The following FGF12 variants were observed in gnomAD, a reference collection of about 807,000 sequenced individuals.
FGF12 encodes fibroblast growth factor 12.
FGF12 carries 14 observed loss-of-function variants against 23.6 expected under a neutral mutation model. The ratio of observed to expected loss-of-function variants is 0.59; its 90% CI spans 0.39 to 0.93. FGF12 has a LOEUF of 0.93. Among genes scored for constraint, FGF12 ranks in the 40% least tolerant of loss-of-function variants. FGF12 has a pLI of 0.00. For missense variants in FGF12, 175 were observed against 217.8 expected, an observed-to-expected ratio of 0.80 and a Z score of 1.24; for synonymous variants, 62 against 77.3, an observed-to-expected ratio of 0.80 and a Z score of 1.04.
At chr3:192,289,633 C>T (rs1434299273) in intron 4 of FGF12, among the ~76,000 whole-genome samples, 2 of 152,144 alleles carry the variant, frequency 1.3e-5, no homozygotes, top group African/African-American at 4.8e-5. Context: ...TTATCGACTG[C>T]ATCTCTTATT....
At position 192,408,054 on chromosome 3, in the gene FGF12, C is replaced by G. The variant is rs772581405; in HGVS notation, c.14-47516G>C. 1 of 1,612,152 alleles carries G rather than the reference C, an allele frequency of 6.2e-7. No individual in the cohort carries two copies. The highest frequency in any genetic ancestry group is 8.5e-7 in the Non-Finnish European group (1 of 1,179,562). The stretch of plus-strand genomic sequence containing the variant: ...TCTCCGCCTCACCGGCCTCTTGCGG[C>G]CGCTGCAGAAGCGCACTTTGCTGAA... On this transcript the variant is annotated intron_variant, in intron 2 of 5. Coordinates refer to ENST00000445105, the MANE Select transcript of FGF12 (RefSeq NM_004113.6). This position sits in a 1 kb window ranked among gnomAD's most constrained non-coding sequence, Gnocchi z 7.3.
rs1724935417 is a variant in FGF12, at chr3:192,525,927, A to T, written c.14-165389T>A. Among the ~76,000 whole-genome samples, 4 of 152,166 alleles carry T rather than the reference A, an allele frequency of 2.6e-5. No individual in the cohort carries two copies. In the South Asian group the frequency reaches 8.3e-4, roughly 31 times the overall value. On this transcript the variant is annotated intron_variant, in intron 2 of 5. Coordinates refer to ENST00000445105, the MANE Select transcript of FGF12 (RefSeq NM_004113.6). ...GTAGCTGGGACTACAGGTGTGCGCC[A>T]CCACGCCCAGCGAATTTTTGCGTTT...
chr3:192,594,014 C>T lies in FGF12; in HGVS notation c.13+133167G>A, dbSNP rs187160025. Among the ~76,000 whole-genome samples, 67 of 151,970 alleles carry T rather than the reference C, an allele frequency of 4.4e-4. 1 individual carries two copies. The East Asian group carries it at 9.7e-3, about 22-fold the overall frequency. On this transcript the variant is annotated intron_variant, in intron 2 of 5. Transcript: ENST00000445105. ...AATATTAAGAGGGTAAGCAGCTTGT[C>T]GGTTAGAGTAAAGTTATGCAAAAAG... is the stretch of plus-strand genomic sequence containing the variant.
chr3:192,536,721 A>G (rs941256673), intron 2 of FGF12, among the ~76,000 whole-genome samples: 1 of 152,056 alleles, frequency 6.6e-6, no homozygotes, highest in Non-Finnish European at 1.5e-5. Flanking sequence ...AGATATTTTG[A>G]TACAGGCATA....
At chr3:192,216,831 G>A (rs988911321) in intron 4 of FGF12, among the ~76,000 whole-genome samples, 2 of 152,114 alleles carry the variant, frequency 1.3e-5, no homozygotes, top group South Asian at 2.1e-4. Flanking sequence ...GAGCAAACAC[G>A]GGCTTAAACT....
At chr3:192,144,246 T>G (rs1427996115) in intron 5 of FGF12, 119 bp from the exon 6 acceptor site, 2 of 619,914 alleles carry the variant, frequency 3.2e-6, no homozygotes, top group Non-Finnish European at 5.7e-6. Flanking sequence ...CTTCTCATTA[T>G]AAAAAAACAG....
chr3:192,230,606 T>A lies in FGF12; in HGVS notation c.229-59950A>T, dbSNP rs140851490. ...TTCCAACTCACCTGGAAATAACAAT[T>A]CACAGAATAGAAAAAAACCAAAAGG... On this transcript the variant is annotated intron_variant, in intron 4 of 5. Transcript: ENST00000445105. 3.0e-3 allele frequency among the ~76,000 whole-genome samples: 454 copies of A among 152,228 alleles called. 4 individuals carry two copies. Among genetic ancestry groups the A allele is most frequent in the Middle Eastern group, 0.017 (5 of 292 alleles).
intron 2 of FGF12, among the ~76,000 whole-genome samples, chr3:192,484,527 T>C (rs1458842746): frequency 6.6e-6 from 1 of 152,138 alleles, no homozygotes; most frequent in Admixed American, 6.6e-5. Flanking sequence ...ATTCATAATA[T>C]ACAGCAGTTA....
chr3:192,432,897 G>A (rs1242159777), intron 2 of FGF12, among the ~76,000 whole-genome samples: 1 of 152,114 alleles, frequency 6.6e-6, no homozygotes, highest in Non-Finnish European at 1.5e-5. Flanking sequence ...TGCAGCATGA[G>A]AGAACTATTA....
chr3:192,563,237 GAAAACAGGT>G (rs1404093270), intron 2 of FGF12, among the ~76,000 whole-genome samples: 2 of 152,190 alleles, frequency 1.3e-5, no homozygotes, highest in Non-Finnish European at 2.9e-5. Flanking sequence ...TGTATAAACT[GAAAACAGGT>G]AAATAGACAC....
At chr3:192,478,635 A>C (rs1221304612) in intron 2 of FGF12, among the ~76,000 whole-genome samples, 1 of 152,154 alleles carries the variant, frequency 6.6e-6, no homozygotes, top group Non-Finnish European at 1.5e-5. Flanking sequence ...AATCATTTTC[A>C]GTTTTCTTGT....
At chr3:192,395,746 C>T (rs1720488581) in intron 2 of FGF12, among the ~76,000 whole-genome samples, 1 of 152,144 alleles carries the variant, frequency 6.6e-6, no homozygotes, top group Non-Finnish European at 1.5e-5. Context: ...TTCATTCTAC[C>T]TGGAAGGATC....
intron 5 of FGF12, among the ~76,000 whole-genome samples, chr3:192,149,341 T>C (rs577161099): frequency 6.6e-6 from 1 of 151,506 alleles, no homozygotes; most frequent in Non-Finnish European, 1.5e-5. Flanking sequence ...TACTTTAAGT[T>C]TTAGGGTACA....
intron 2 of FGF12, among the ~76,000 whole-genome samples, chr3:192,591,314 A>G (rs1385526402): frequency 6.6e-6 from 1 of 151,592 alleles, no homozygotes; most frequent in Non-Finnish European, 1.5e-5. Context: ...TTTTAAAAAT[A>G]GAGACTCAAT....
intron 2 of FGF12, among the ~76,000 whole-genome samples, chr3:192,704,387 T>A (rs1339465637): frequency 6.6e-6 from 1 of 152,184 alleles, no homozygotes; most frequent in African/African-American, 2.4e-5. Context: ...CCATGAGAAG[T>A]CTTGGATGAC....
chr3:192,165,395 G>A (rs1484656257), intron 5 of FGF12, among the ~76,000 whole-genome samples: 2 of 151,712 alleles, frequency 1.3e-5, no homozygotes, highest in African/African-American at 4.8e-5. Context: ...AATATGTTTA[G>A]ACCAGTTTTA....
At chr3:192,440,845 A>G (rs1017850763) in intron 2 of FGF12, among the ~76,000 whole-genome samples, 1 of 152,198 alleles carries the variant, frequency 6.6e-6, no homozygotes, top group Non-Finnish European at 1.5e-5. Context: ...CTGTCCCATC[A>G]TATATACCAA....
At position 192,408,536 on chromosome 3, in the gene FGF12, C is replaced by T. The variant is rs1159344915; in HGVS notation, c.14-47998G>A. The T allele has an allele frequency of 5.1e-6, 6 of 1,178,208 alleles. No individual in the cohort carries two copies. Among genetic ancestry groups the T allele is most frequent in the South Asian group, 2.7e-5 (1 of 36,656 alleles). The allele number at this position is 1,178,208 out of a possible 1,614,324, so 73.0% of individuals were successfully genotyped here. A position where few individuals can be genotyped will look rare whatever the true frequency, so the allele number is the denominator to read the frequency against. ...CCCCAAACTTGCACCCCAAGGCGAT[C>T]GGCGTCCAAGGGGCAGTGGGGAGTT... is the stretch of plus-strand genomic sequence containing the variant. On this transcript the variant is annotated intron_variant, in intron 2 of 5. Transcript: ENST00000445105. The surrounding 1 kb of genome is among the most constrained non-coding windows in gnomAD (Gnocchi z 7.3).
chr3:192,573,452 G>C (rs545759679), intron 2 of FGF12, among the ~76,000 whole-genome samples: 3 of 152,160 alleles, frequency 2.0e-5, no homozygotes, highest in African/African-American at 7.2e-5. Context: ...TCAGTTGAAG[G>C]CCTGAGTAGA....
Sources: allele counts gnomAD v4.1 joint callset (sites outside exome capture counted in the v4.1 genomes callset), GRCh38; gene constraint gnomAD v4.1.1; non-coding constraint Gnocchi (gnomAD v3.1); transcripts MANE v1.5; gene names NCBI Gene and HGNC (gene_info 2026-07-23, HGNC 2026-07-21).